The following CASK variants were observed in gnomAD, a reference collection of about 807,000 sequenced individuals.
The protein encoded by CASK is peripheral plasma membrane protein CASK.
In CASK, 4 loss-of-function variants were observed where a neutral mutation model predicts 82.9. That is an observed-to-expected ratio of 0.05 (90% CI 0.02 to 0.11). The LOEUF is 0.11. Ranked by LOEUF, CASK falls within the 10% of genes least tolerant of loss-of-function variation. CASK has a pLI of 1.00. For missense variants in CASK, 358 were observed against 720.9 expected (o/e 0.50, Z 5.76); for synonymous variants, 259 against 253.5 (o/e 1.02, Z -0.20).
chrX:41,815,645 G>GTT (rs1323162201), intron 2 of CASK, among the ~76,000 whole-genome samples: 2 of 110,723 alleles, frequency 1.8e-5, no homozygotes, highest in African/African-American at 6.6e-5. Context: ...AATATAAAGG[G>GTT]GTCTAACATA....
chrX:41,737,778 T>A (rs1293543357), intron 5 of CASK, among the ~76,000 whole-genome samples: 1 of 112,589 alleles, frequency 8.9e-6, no homozygotes, highest in Non-Finnish European at 1.9e-5. Flanking sequence ...CATAATGCTA[T>A]TACATGAACA....
chrX:41,892,610 C>T (rs769164569), intron 1 of CASK, among the ~76,000 whole-genome samples: 2 of 111,853 alleles, frequency 1.8e-5, no homozygotes, highest in East Asian at 2.8e-4. Flanking sequence ...GCTGAGATTA[C>T]AGGTGTGAGC....
chrX:41,822,107 T>C (rs1383399526), intron 2 of CASK, among the ~76,000 whole-genome samples: 5 of 112,657 alleles, frequency 4.4e-5, no homozygotes, highest in Non-Finnish European at 7.5e-5. Flanking sequence ...CAAAATATTC[T>C]AATCAAAACT....
At position 41,612,097 on chromosome X, in the gene CASK, G is replaced by T. The variant is rs75515060; in HGVS notation, c.1034-2072C>A. ...GCCTTGGCCTCCCAAAGTGCCGAGA[G>T]TGCAGCCTCTGCCCGGCCGCCACCC... On this transcript the variant is annotated intron_variant, in intron 11 of 26. Coordinates refer to ENST00000378163, the MANE Select transcript of CASK (RefSeq NM_001367721.1). Among the ~76,000 whole-genome samples, 1,030 of 110,071 alleles carry T rather than the reference G, an allele frequency of 9.4e-3. 5 individuals are homozygous for T. The highest frequency in any genetic ancestry group is 0.014 in the Non-Finnish European group (738 of 52,444).
intron 1 of CASK, among the ~76,000 whole-genome samples, chrX:41,898,824 A>C (rs937061611): frequency 4.5e-5 from 5 of 112,018 alleles, no homozygotes; most frequent in African/African-American, 1.6e-4. Context: ...AAATTTGTTA[A>C]GACTTGTTTT....
intron 3 of CASK, among the ~76,000 whole-genome samples, chrX:41,770,862 C>A (rs1420408044): frequency 9.1e-6 from 1 of 110,417 alleles, no homozygotes; most frequent in Non-Finnish European, 1.9e-5. Flanking sequence ...GAAAAAAAAA[C>A]ATGCAAAATA....
chrX:41,712,300 A>C (rs767858231), intron 5 of CASK, among the ~76,000 whole-genome samples: 28 of 112,540 alleles, frequency 2.5e-4, no homozygotes, highest in African/African-American at 9.0e-4. Context: ...ATGCAGACTA[A>C]TATGAAAAAG....
chrX:41,555,022 C>T (rs1199376585), intron 20 of CASK, among the ~76,000 whole-genome samples: 1 of 112,631 alleles, frequency 8.9e-6, no homozygotes, highest in African/African-American at 3.2e-5. Flanking sequence ...CATTTAAAAT[C>T]TATACCTCTA....
intron 21 of CASK, among the ~76,000 whole-genome samples, chrX:41,545,030 T>G (rs965278911): frequency 9.0e-6 from 1 of 111,316 alleles, no homozygotes; most frequent in Admixed American, 9.5e-5. Context: ...TACTGCTGTT[T>G]TTTTTTTGTT....
At chrX:41,667,366 T>C (rs1292558505) in intron 6 of CASK, among the ~76,000 whole-genome samples, 2 of 111,812 alleles carry the variant, frequency 1.8e-5, no homozygotes, top group African/African-American at 6.5e-5. Context: ...TTTTTGCTGA[T>C]ACTTCTTCTT....
At position 41,887,770 on chromosome X, in the gene CASK, TC is replaced by T. The variant is rs1300372214; in HGVS notation, c.60-34544del. Among the ~76,000 whole-genome samples the T allele has an allele frequency of 2.7e-5, 3 of 110,488 alleles. No individual in the cohort carries two copies. In the Admixed American group the frequency reaches 2.9e-4, roughly 11 times the overall value. ...TGAAGGCACCACCAATAAAATCATATCTATTAAAACCATCAATACAGATGCC... is the reference window on the plus strand; with the variant it reads ...TGAAGGCACCACCAATAAAATCATATTATTAAAACCATCAATACAGATGCC... On this transcript the variant is annotated intron_variant, in intron 1 of 26. Coordinates refer to ENST00000378163, the MANE Select transcript of CASK (RefSeq NM_001367721.1).
intron 1 of CASK, among the ~76,000 whole-genome samples, chrX:41,897,714 T>C (rs1313288976): frequency 1.8e-5 from 2 of 111,412 alleles, no homozygotes; most frequent in Non-Finnish European, 3.8e-5. Flanking sequence ...AAATTTATTT[T>C]GTTAAGGTCA....
intron 11 of CASK, among the ~76,000 whole-genome samples, chrX:41,613,985 CTT>C (rs1245775667): frequency 1.8e-5 from 2 of 112,294 alleles, no homozygotes; most frequent in East Asian, 5.5e-4. Context: ...TAAAATTTGA[CTT>C]TTTATTTTGA....
intron 5 of CASK, chrX:41,728,052 A>G (rs774767998): frequency 9.3e-6 from 9 of 969,487 alleles, no homozygotes; most frequent in Non-Finnish European, 1.2e-5. Flanking sequence ...TGAATGGAAA[A>G]CCCCACAATA....
intron 5 of CASK, chrX:41,689,841 T>G (rs2067510110): frequency 8.9e-6 from 1 of 111,880 alleles, no homozygotes; most frequent in African/African-American, 3.2e-5. Flanking sequence ...AATAGGTATG[T>G]ATTTCAACAT....
At chrX:41,668,367 A>C (rs1003120122) in intron 6 of CASK, among the ~76,000 whole-genome samples, 2 of 112,355 alleles carry the variant, frequency 1.8e-5, no homozygotes, top group Non-Finnish European at 3.8e-5. Flanking sequence ...TCCAACTAGA[A>C]GGAATAGCAT....
intron 12 of CASK, among the ~76,000 whole-genome samples, chrX:41,603,718 G>A (rs1165963662): frequency 2.7e-5 from 3 of 111,626 alleles, no homozygotes; most frequent in Non-Finnish European, 5.6e-5. Flanking sequence ...TTAATTAGGT[G>A]GGGGCATTTA....
intron 11 of CASK, among the ~76,000 whole-genome samples, chrX:41,610,844 C>A (rs1433348837): frequency 1.8e-5 from 2 of 111,733 alleles, no homozygotes; most frequent in African/African-American, 6.5e-5. Context: ...AAAAGATCAG[C>A]CTCTTTTACA....
intron 9 of CASK, among the ~76,000 whole-genome samples, chrX:41,629,865 A>C (rs980683357): frequency 7.1e-5 from 8 of 112,183 alleles, no homozygotes; most frequent in Non-Finnish European, 1.3e-4. Flanking sequence ...AATGTAATAC[A>C]ACAATTAAAA....
Sources: gnomAD v4.1 joint callset for allele counts (sites outside exome capture counted in the v4.1 genomes callset) on GRCh38, gnomAD v4.1.1 for gene constraint, MANE v1.5 for transcripts, NCBI Gene and HGNC (gene_info 2026-07-23, HGNC 2026-07-21) for gene names.